The following EYS variants were observed in gnomAD, a reference collection of about 807,000 sequenced individuals.
EYS encodes protein eyes shut homolog.
In EYS, 250 loss-of-function variants were observed where a neutral mutation model predicts 282.1. The observed-to-expected ratio is 0.89, with a 90% CI of 0.80 to 0.98. EYS has a LOEUF of 0.98. Ranked by LOEUF, EYS falls within the 50% of genes least tolerant of loss-of-function variation. The pLI is 0.00. For missense variants in EYS, 4,016 were observed against 3,709.0 expected (o/e 1.08, Z -2.15); for synonymous variants, 1,355 against 1,282.9 (o/e 1.06, Z -1.20).
intron 33 of EYS, among the ~76,000 whole-genome samples, chr6:64,002,167 G>T (rs888754202): frequency 6.6e-6 from 1 of 152,204 alleles, no homozygotes; most frequent in East Asian, 1.9e-4. Flanking sequence ...ATGCCAAGGG[G>T]AGTTTGGCTG....
intron 12 of EYS, among the ~76,000 whole-genome samples, chr6:65,277,515 CAGCA>C: frequency 6.6e-6 from 1 of 151,692 alleles, no homozygotes; most frequent in Non-Finnish European, 1.5e-5. Flanking sequence ...TACAAGGAGT[CAGCA>C]GTCTGCATTC....
rs141459330 is a variant in EYS at position 63,854,457 on chromosome 6, G to T, written c.7228+9729C>A. The stretch of plus-strand genomic sequence containing the variant: ...ATTACACACCGAGGCCTATCAGGGG[G>T]TGGGTGGCAAGGGGAGGCATAGGAT... On this transcript the variant is annotated intron_variant, in intron 36 of 42. Transcript: ENST00000503581. Among the ~76,000 whole-genome samples, 5 of 152,254 alleles carry T rather than the reference G, an allele frequency of 3.3e-5. No homozygotes were observed. In the East Asian group the frequency reaches 9.7e-4, roughly 29 times the overall value.
intron 12 of EYS, among the ~76,000 whole-genome samples, chr6:65,176,558 C>T (rs2150230430): frequency 6.6e-6 from 1 of 151,628 alleles, no homozygotes; most frequent in Middle Eastern, 3.4e-3. Flanking sequence ...ATACTTTTCA[C>T]TTAAATCAAA....
At chr6:65,699,840 C>T (rs9360142) in intron 1 of EYS, among the ~76,000 whole-genome samples, 7,728 of 152,096 alleles carry the variant, frequency 0.051, 450 homozygotes, top group East Asian at 0.33. Flanking sequence ...ACAGGCCGGG[C>T]GCGGTGGCTC....
intron 22 of EYS, among the ~76,000 whole-genome samples, chr6:64,796,419 A>G (rs1390540758): frequency 6.6e-6 from 1 of 152,174 alleles, no homozygotes; most frequent in African/African-American, 2.4e-5. Context: ...AAACCCATTA[A>G]GGGGAGAGGA....
At chr6:63,910,424 A>G (rs1236754562) in intron 35 of EYS, among the ~76,000 whole-genome samples, 1 of 152,210 alleles carries the variant, frequency 6.6e-6, no homozygotes, top group Non-Finnish European at 1.5e-5. Flanking sequence ...CTGTGTACCG[A>G]AAGGTCATGG....
At chr6:64,841,486 T>C (rs902532686) in intron 19 of EYS, among the ~76,000 whole-genome samples, 18 of 152,134 alleles carry the variant, frequency 1.2e-4, no homozygotes, top group African/African-American at 4.3e-4. Context: ...TGCCAGGAAA[T>C]GTAGTTGATG....
intron 12 of EYS, among the ~76,000 whole-genome samples, chr6:65,076,349 A>C (rs1234154630): frequency 6.6e-6 from 1 of 152,020 alleles, no homozygotes; most frequent in East Asian, 1.9e-4. Context: ...ACATATTGAC[A>C]ATGACATGGC....
At chr6:65,489,148 G>A (rs1257712906) in intron 5 of EYS, among the ~76,000 whole-genome samples, 1 of 152,124 alleles carries the variant, frequency 6.6e-6, no homozygotes, top group Non-Finnish European at 1.5e-5. Flanking sequence ...AAACTAAAGA[G>A]CTTCCACACA....
At chr6:64,519,422 C>A (rs918700623) in intron 26 of EYS, among the ~76,000 whole-genome samples, 4 of 151,748 alleles carry the variant, frequency 2.6e-5, no homozygotes, top group Non-Finnish European at 5.9e-5. Context: ...CACGCAGAAG[C>A]ATAAATGTTG....
intron 12 of EYS, among the ~76,000 whole-genome samples, chr6:65,188,900 TGACTAGCCCAGTGA>T (rs1765575792): frequency 6.6e-6 from 1 of 151,606 alleles, no homozygotes. Flanking sequence ...GCCAGTATCA[TGACTAGCCCAGTGA>T]GACCCATTTT....
chr6:64,692,800 T>C (rs1360348344), intron 22 of EYS, among the ~76,000 whole-genome samples: 1 of 152,026 alleles, frequency 6.6e-6, no homozygotes, highest in African/African-American at 2.4e-5. Flanking sequence ...AGATGGTTGA[T>C]AAGTTGGTGG....
chr6:64,859,690 C>G (rs1035779910), intron 19 of EYS, among the ~76,000 whole-genome samples: 2 of 152,178 alleles, frequency 1.3e-5, no homozygotes, highest in Non-Finnish European at 2.9e-5. Context: ...TTCACTTTCC[C>G]CTGTGATTGT....
intron 12 of EYS, among the ~76,000 whole-genome samples, chr6:65,277,308 C>A (rs778229118): frequency 7.9e-5 from 12 of 152,022 alleles, no homozygotes; most frequent in Non-Finnish European, 1.2e-4. Context: ...TGGCACAAAC[C>A]TGTAGTCCCA....
chr6:64,890,322 C>T (rs1767249342), intron 18 of EYS, among the ~76,000 whole-genome samples: 1 of 152,106 alleles, frequency 6.6e-6, no homozygotes, highest in South Asian at 2.1e-4. Context: ...TTGTAAAGTA[C>T]TTGATGTCTG....
chr6:64,892,372 ATG>A (rs1325193639), intron 18 of EYS, among the ~76,000 whole-genome samples: 2 of 151,896 alleles, frequency 1.3e-5, no homozygotes, highest in Non-Finnish European at 1.5e-5. Context: ...TGATTTTAAA[ATG>A]TGTTTGCAAT....
intron 41 of EYS, among the ~76,000 whole-genome samples, chr6:63,753,658 C>G (rs1347876221): frequency 6.6e-6 from 1 of 152,192 alleles, no homozygotes; most frequent in East Asian, 1.9e-4. Context: ...TGATCCAATC[C>G]CCTCCCTCCC....
intron 1 of EYS, among the ~76,000 whole-genome samples, chr6:65,695,180 C>G (rs1681265314): frequency 1.3e-5 from 2 of 151,860 alleles, no homozygotes; most frequent in South Asian, 4.1e-4. Flanking sequence ...TGATTAGGCA[C>G]CACTGAGAAA....
At chr6:64,247,633 G>A (rs1422512758) in intron 30 of EYS, among the ~76,000 whole-genome samples, 1 of 152,130 alleles carries the variant, frequency 6.6e-6, no homozygotes, top group African/African-American at 2.4e-5. Context: ...ATTCAGTTTT[G>A]TAGAGTCGAG....
Sources: gnomAD v4.1 joint callset for allele counts (sites outside exome capture counted in the v4.1 genomes callset) on GRCh38, gnomAD v4.1.1 for gene constraint, MANE v1.5 for transcripts, NCBI Gene and HGNC (gene_info 2026-07-23, HGNC 2026-07-21) for gene names.